Variants in PDE1C observed in about 807,000 individuals in gnomAD.
PDE1C encodes the protein phosphodiesterase 1C.
Under a neutral mutation model 93.1 loss-of-function variants are expected in PDE1C, and 62 were observed. The ratio of observed to expected loss-of-function variants is 0.67; its 90% CI spans 0.54 to 0.82. PDE1C has a LOEUF of 0.82. Ranked by LOEUF, PDE1C falls within the 40% of genes least tolerant of loss-of-function variation. The pLI is 0.00. For synonymous variants in PDE1C, 325 were observed against 310.1 expected (o/e 1.05, Z -0.50); for missense variants, 742 against 884.6 (o/e 0.84, Z 2.04).
chr7:32,360,075 C>A (rs373119347), intron 1 of PDE1C, among the ~76,000 whole-genome samples: 1 of 152,116 alleles, frequency 6.6e-6, no homozygotes, highest in Admixed American at 6.5e-5. Context: ...AATTCCACAC[C>A]GAGCCCAGCA....
chr7:31,740,554 C>A, the PDE1C span, among the ~76,000 whole-genome samples: 1 of 152,174 alleles, frequency 6.6e-6, no homozygotes, highest in Non-Finnish European at 1.5e-5. Flanking sequence ...TGTCAGAATG[C>A]TAGATTACCA....
At chr7:32,338,932 G>T (rs958578595) in intron 1 of PDE1C, among the ~76,000 whole-genome samples, 6 of 152,074 alleles carry the variant, frequency 3.9e-5, no homozygotes, top group African/African-American at 1.4e-4. Context: ...GAACCTGGGA[G>T]GTGGAGCTTG....
intron 1 of PDE1C, among the ~76,000 whole-genome samples, chr7:32,356,195 G>T (rs960371985): frequency 2.6e-5 from 4 of 152,156 alleles, no homozygotes; most frequent in Non-Finnish European, 4.4e-5. Context: ...GATCACCAAG[G>T]CTCCAGCCAA....
chr7:31,906,585 G>C (rs1800610970), intron 2 of PDE1C, among the ~76,000 whole-genome samples: 1 of 152,136 alleles, frequency 6.6e-6, no homozygotes, highest in African/African-American at 2.4e-5. Flanking sequence ...CAAGTCAATG[G>C]CAGGTGTTAT....
Position 31,816,058 on chromosome 7 carries a change from G to T in PDE1C, c.1679C>A (p.Ala560Glu), listed in dbSNP as rs115591635. The change falls in exon 15 of 18, where the codon GCA (alanine) becomes GAA (glutamate). Residue 560 changes from alanine (A) to glutamate (E), a missense_variant. By Grantham distance (107) the Ala-to-Glu change is moderately radical. Around this residue, in one of 4 missense-constraint regions of PDE1C, gnomAD observed 454 missense variants for 459.4 expected, o/e 0.99. Coordinates refer to ENST00000396191, the MANE Select transcript of PDE1C (RefSeq NM_001191057.4). ...CGTCTTTTTCTCAGCTTTGCCAGAT[G>T]CGCCTTCTTCAGCCTGGCTTTTGGC... The part of the protein sequence containing the change: ...MEAKSQAEEG[A>E]SGKAEKKTSG... 79 of 1,613,956 alleles carry T rather than the reference G, an allele frequency of 4.9e-5. No individual in the cohort carries two copies. In the African/African-American group the frequency reaches 1.0e-3, roughly 21 times the overall value.
In PDE1C at chr7:32,382,403, C is replaced by T. The variant is rs1011949862; in HGVS notation, c.310+45419G>A. On this transcript the variant is annotated intron_variant, in intron 1 of 1. Transcript: ENST00000672256. Reference sequence around the variant, plus strand: ...GAGTCCTAAGGCTCTGTCTTGGCCCCCCTACCTTGTATCCCTGTCCCCAGA... The same window carrying T: ...GAGTCCTAAGGCTCTGTCTTGGCCCTCCTACCTTGTATCCCTGTCCCCAGA... 3.3e-5 allele frequency among the ~76,000 whole-genome samples: 5 copies of T among 152,136 alleles called. No homozygotes were observed. In the East Asian group the frequency reaches 9.6e-4, roughly 29 times the overall value.
chr7:31,686,677 G>A, the PDE1C span: 1 of 152,200 alleles, frequency 6.6e-6, no homozygotes, highest in Non-Finnish European at 1.5e-5. Flanking sequence ...ATGGGATGAT[G>A]ACTGTAGCTC....
chr7:31,822,680 G>A (rs1789120223), intron 14 of PDE1C, among the ~76,000 whole-genome samples: 1 of 152,098 alleles, frequency 6.6e-6, no homozygotes, highest in African/African-American at 2.4e-5. Flanking sequence ...CCAACATAAT[G>A]GCCAAGGCAA....
At chr7:31,862,280 T>G (rs528895742) in intron 7 of PDE1C, among the ~76,000 whole-genome samples, 1 of 152,326 alleles carries the variant, frequency 6.6e-6, no homozygotes, top group South Asian at 2.1e-4. Flanking sequence ...TATCTGTAAC[T>G]TCACACCAGA....
At chr7:32,319,665 T>C (rs415820) in intron 1 of PDE1C, among the ~76,000 whole-genome samples, 105,995 of 151,966 alleles carry the variant, frequency 0.7, 37,952 homozygotes, top group Admixed American at 0.81. Context: ...ACTCAGCTTA[T>C]GTAATCTGCT....
chr7:31,914,959 G>A (rs746851554), intron 2 of PDE1C, among the ~76,000 whole-genome samples: 5 of 152,108 alleles, frequency 3.3e-5, no homozygotes, highest in African/African-American at 4.8e-5. Context: ...TCTCCATTTC[G>A]TCTAGTTCCT....
intron 1 of PDE1C, among the ~76,000 whole-genome samples, chr7:32,311,505 A>G (rs575652169): frequency 1.3e-5 from 2 of 152,334 alleles, no homozygotes; most frequent in African/African-American, 4.8e-5. Flanking sequence ...AAAATCCTCA[A>G]TAAAACACTG....
chr7:31,855,069 T>TAAAAAAAA (rs70989615), intron 7 of PDE1C, among the ~76,000 whole-genome samples: 1 of 107,042 alleles, frequency 9.3e-6, no homozygotes, highest in African/African-American at 3.6e-5. Context: ...TCCCTCTGTC[T>TAAAAAAAA]AAAAAAAAAA....
At chr7:32,176,766 TA>T (rs1461829969) in intron 2 of PDE1C, among the ~76,000 whole-genome samples, 1 of 152,068 alleles carries the variant, frequency 6.6e-6, no homozygotes, top group African/African-American at 2.4e-5. Flanking sequence ...TTGATAATCA[TA>T]AAGGAGCAGT....
intron 1 of PDE1C, among the ~76,000 whole-genome samples, chr7:32,370,446 TCA>T (rs1562694148): frequency 3.7e-5 from 1 of 26,688 alleles, no homozygotes. Flanking sequence ...GAGACTCCTC[TCA>T]AAAAAAAAAA....
intron 2 of PDE1C, among the ~76,000 whole-genome samples, chr7:32,030,229 A>AT (rs1584517780): frequency 1.3e-5 from 2 of 151,972 alleles, no homozygotes; most frequent in Non-Finnish European, 2.9e-5. Flanking sequence ...TCTCAGTAGT[A>AT]TTTTTTTAAT....
intron 1 of PDE1C, among the ~76,000 whole-genome samples, chr7:32,339,916 C>T (rs1011908257): frequency 6.6e-5 from 10 of 152,252 alleles, no homozygotes; most frequent in Middle Eastern, 3.4e-3. Context: ...GCCTTGCTGG[C>T]ATGGTTGTGT....
chr7:31,865,077 G>C lies in PDE1C; in HGVS notation c.615C>G (p.Pro205=). Residue 205 remains proline, a synonymous_variant, in exon 7 of 18, where the codon CCC becomes CCG. Coordinates refer to ENST00000396191, the MANE Select transcript of PDE1C (RefSeq NM_001191057.4). ...RYDLISRFKI[P]ISALVSFVEA... is the part of the protein sequence containing the mutation. The stretch of plus-strand genomic sequence containing the variant: ...CCACAAATGAGACAAGTGCAGAAAT[G>C]GGGATCTGAAAGAGAGCAGTAAGGT... The C allele has an allele frequency of 1.2e-6, 2 of 1,614,034 alleles. No homozygotes were observed. The highest frequency in any genetic ancestry group is 1.7e-6 in the Non-Finnish European group (2 of 1,179,946).
In PDE1C at chr7:32,083,914, C is replaced by A. The variant is rs570121173; in HGVS notation, c.308+85871G>T. ...GCAAAATCATGCCAAAATGTAAAGA[C>A]CATCGAGACTAGGAAGAAACTACAT... is the stretch of plus-strand genomic sequence containing the variant. On this transcript the variant is annotated intron_variant, in intron 3 of 18. Coordinates refer to the PDE1C transcript ENST00000396193. Among the ~76,000 whole-genome samples, 37 of 151,700 alleles carry A rather than the reference C, an allele frequency of 2.4e-4. No individual in the cohort carries two copies. The East Asian group carries it at 6.2e-3, about 26-fold the overall frequency.
Sources: allele counts gnomAD v4.1 joint callset (sites outside exome capture counted in the v4.1 genomes callset), GRCh38; gene constraint gnomAD v4.1.1; regional missense constraint gnomAD v4.1.1; transcripts MANE v1.5; gene names NCBI Gene and HGNC (gene_info 2026-07-23, HGNC 2026-07-21).